Variants in ZNF90 observed in about 807,000 individuals in gnomAD.
ZNF90 encodes zinc finger protein 90, also known as zinc finger protein HTF9.
In ZNF90, 11 loss-of-function variants were observed where a neutral mutation model predicts 12.0. That is an observed-to-expected ratio of 0.92 (90% confidence interval 0.58 to 1.52). The LOEUF (loss-of-function observed/expected upper bound fraction) is 1.52, where lower values mean the gene tolerates loss of function less well. ZNF90 is among the 40% of genes most tolerant of loss of function. The pLI, the probability that ZNF90 is intolerant of heterozygous loss-of-function variation, is 0.00. For missense variants in ZNF90, 765 were observed against 711.5 expected, an observed-to-expected ratio of 1.08 and a Z score of -0.86; for synonymous variants, 232 against 240.1, an observed-to-expected ratio of 0.97 and a Z score of 0.31.
At chr19:20,102,559 A>T (rs1722574731) in intron 1 of ZNF90, among the ~76,000 whole-genome samples, 1 of 152,212 alleles carries the variant, frequency 6.6e-6, no homozygotes, top group Non-Finnish European at 1.5e-5. Context: ...CTTCTATAGA[A>T]GTATATTTGC....
chr19:20,114,247 T>C, intron 3 of ZNF90, among the ~76,000 whole-genome samples: 1 of 152,212 alleles, frequency 6.6e-6, no homozygotes, highest in East Asian at 1.9e-4. Context: ...ACCGATATTG[T>C]GCCACTGCAG....
rs1285444911 is a variant in ZNF90, at chr19:20,119,286, T to G, written c.1732T>G (p.Ser578Ala). The stretch of plus-strand genomic sequence containing the variant: ...ATGTGGCAAAGCTTTTAACTTGTCC[T>G]CAGACCTTAATACACATAAGAGGAT... ...EECGKAFNLS[S>A]DLNTHKRIHI... Residue 578 changes from serine (S) to alanine (A), a missense_variant, in exon 4 of 4, where the codon TCA becomes GCA. Ser to Ala is a moderately conservative substitution (Grantham distance 99). Transcript: ENST00000418063. 6.2e-7 allele frequency: 1 copy of G among 1,613,298 alleles called. No individual in the cohort carries two copies. Among genetic ancestry groups the G allele is most frequent in the Non-Finnish European group, 8.5e-7 (1 of 1,179,592 alleles).
rs782291106 is a variant in ZNF90, at chr19:20,104,327, A to T, written c.92A>T (p.Asp31Val). Reference sequence around the variant, plus strand: ...ACTGCACAGCAGAATTTATATAGGGATGTGATGTTAGAGAACTACAGACAC... The same window carrying T: ...ACTGCACAGCAGAATTTATATAGGGTTGTGATGTTAGAGAACTACAGACAC... ...LDTAQQNLYR[D>V]VMLENYRHLV... is the part of the protein sequence containing the mutation. Residue 31 changes from aspartate (D) to valine (V), a missense_variant, in exon 2 of 4, where the codon GAT (aspartate) becomes GTT (valine). Coordinates refer to ENST00000418063, the MANE Select transcript of ZNF90 (RefSeq NM_007138.2). The T allele has an allele frequency of 1.2e-6, 2 of 1,614,080 alleles. No homozygotes were observed. Among genetic ancestry groups the T allele is most frequent in the Non-Finnish European group, 1.7e-6 (2 of 1,179,976 alleles).
At position 20,120,447 on chromosome 19, in the gene ZNF90, C is replaced by T. The variant is rs1555706433; in HGVS notation, c.*1087C>T. Among the ~76,000 whole-genome samples the T allele has an allele frequency of 6.6e-6, 1 of 152,096 alleles. No individual in the cohort carries two copies. Among genetic ancestry groups the T allele is most frequent in the African/African-American group, 2.4e-5 (1 of 41,410 alleles). On this transcript the variant is annotated 3_prime_UTR_variant, in exon 4 of 4. Coordinates refer to ENST00000418063, the MANE Select transcript of ZNF90 (RefSeq NM_007138.2). ...AGAGGAAAACCCTGAAGCAGTTGCT[C>T]CAGCTTTGTTCAACAACAGGGAATT... is the stretch of plus-strand genomic sequence containing the variant.
intron 1 of ZNF90, among the ~76,000 whole-genome samples, chr19:20,081,663 G>T (rs186449568): frequency 2.6e-5 from 4 of 152,304 alleles, no homozygotes; most frequent in Admixed American, 2.6e-4. Context: ...AAATAAATCA[G>T]AGTGTGGCCC....
intron 1 of ZNF90, among the ~76,000 whole-genome samples, chr19:20,100,148 C>G (rs1047293903): frequency 9.9e-5 from 15 of 152,284 alleles, no homozygotes; most frequent in Admixed American, 5.9e-4. Flanking sequence ...GAATGGGGAA[C>G]CTCAGGAGGA....
At chr19:20,079,826 G>C (rs117638551) in intron 1 of ZNF90, 3 of 325,944 alleles carry the variant, frequency 9.2e-6, no homozygotes, top group East Asian at 8.7e-5. Context: ...TCATCTGCTC[G>C]GCCACCCTGT....
intron 3 of ZNF90, among the ~76,000 whole-genome samples, chr19:20,113,107 G>T (rs1010921604): frequency 6.6e-6 from 1 of 151,788 alleles, no homozygotes; most frequent in African/African-American, 2.4e-5. Flanking sequence ...TTCTTTTCCT[G>T]TATAAATATT....
In ZNF90 at chr19:20,117,046, TGA is replaced by T. The variant is rs376810203; in HGVS notation, c.227-718_227-717del. On this transcript the variant is annotated intron_variant, in intron 3 of 3. Transcript: ENST00000418063. ...GTGTGTGTGTGTGTGTGTGTGTGTG[TGA>T]GAGAGAGAGAGAGAGACAGAATGTC... Among the ~76,000 whole-genome samples, 324 of 140,938 alleles carry T rather than the reference TGA, an allele frequency of 2.3e-3. 2 individuals carry two copies. Among genetic ancestry groups the T allele is most frequent in the African/African-American group, 4.5e-3 (172 of 38,128 alleles). 92.5% of individuals were successfully genotyped at this position (140,938 alleles called of 152,430 possible). A position where few individuals can be genotyped will look rare whatever the true frequency, so the allele number is the denominator to read the frequency against.
chr19:20,114,012 G>A (rs2122522942), intron 3 of ZNF90, among the ~76,000 whole-genome samples: 1 of 152,170 alleles, frequency 6.6e-6, no homozygotes, highest in South Asian at 2.1e-4. Flanking sequence ...ATATTTCTAG[G>A]CCGGGCGGGG....
At chr19:20,085,268 CT>C (rs56068843) in intron 1 of ZNF90, among the ~76,000 whole-genome samples, 19 of 135,498 alleles carry the variant, frequency 1.4e-4, no homozygotes, top group Middle Eastern at 3.6e-3. Context: ...TTGCATTGGT[CT>C]TTTTTTTTTA....
intron 1 of ZNF90, among the ~76,000 whole-genome samples, chr19:20,092,970 G>T (rs1260037365): frequency 1.3e-5 from 2 of 152,162 alleles, no homozygotes; most frequent in African/African-American, 4.8e-5. Context: ...AAGTAATGAG[G>T]GCTGTCCCTG....
At chr19:20,080,762 G>A (rs1455860380) in intron 1 of ZNF90, among the ~76,000 whole-genome samples, 2 of 152,214 alleles carry the variant, frequency 1.3e-5, no homozygotes, top group African/African-American at 4.8e-5. Flanking sequence ...CATCTGCAGT[G>A]AGGACAATGT....
At chr19:20,100,577 C>T (rs573530182) in intron 1 of ZNF90, among the ~76,000 whole-genome samples, 12 of 152,286 alleles carry the variant, frequency 7.9e-5, no homozygotes, top group African/African-American at 2.9e-4. Context: ...AGGCACCCCT[C>T]CCCAGGAAAT....
chr19:20,110,279 CTTTGT>C (rs2089075484), intron 3 of ZNF90, among the ~76,000 whole-genome samples: 1 of 151,814 alleles, frequency 6.6e-6, no homozygotes, highest in African/African-American at 2.4e-5. Context: ...TGTTGTTTTG[CTTTGT>C]TTTATTTTTT....
At chr19:20,086,153 A>G (rs1322662585) in intron 1 of ZNF90, among the ~76,000 whole-genome samples, 5 of 151,980 alleles carry the variant, frequency 3.3e-5, no homozygotes, top group Non-Finnish European at 1.5e-5. Context: ...GCTTTCTATT[A>G]CTTCATAACA....
rs2089190372 is a variant in ZNF90, at chr19:20,121,034, T to C, written c.*1674T>C. ...TTCGTATTTGACCTATATTAAGTAATGTATAAGGTAGTGTTCAGAGTAATA... is the reference window on the plus strand; with the variant it reads ...TTCGTATTTGACCTATATTAAGTAACGTATAAGGTAGTGTTCAGAGTAATA... On this transcript the variant is annotated 3_prime_UTR_variant, in exon 4 of 4. Transcript: ENST00000418063. 6.5e-6 allele frequency: 1 copy of C among 154,912 alleles called. No homozygotes were observed. Among genetic ancestry groups the C allele is most frequent in the African/African-American group, 2.4e-5 (1 of 41,478 alleles). 9.6% of individuals were successfully genotyped at this position (154,912 alleles called of 1,614,324 possible). A position where few individuals can be genotyped will look rare whatever the true frequency, so the allele number is the denominator to read the frequency against.
At chr19:20,109,959 C>T (rs1303103515) in intron 3 of ZNF90, among the ~76,000 whole-genome samples, 5 of 152,190 alleles carry the variant, frequency 3.3e-5, no homozygotes, top group Non-Finnish European at 7.3e-5. Flanking sequence ...TTTACCCTCT[C>T]TCCAGCCCTT....
chr19:20,078,774 C>T (rs1305541615), intron 1 of ZNF90, among the ~76,000 whole-genome samples: 1 of 152,062 alleles, frequency 6.6e-6, no homozygotes, highest in East Asian at 1.9e-4. Context: ...TTAGATTGTG[C>T]GGTCTGACCC....
Sources: gnomAD v4.1 joint callset for allele counts (sites outside exome capture counted in the v4.1 genomes callset) on GRCh38, gnomAD v4.1.1 for gene constraint, MANE v1.5 for transcripts, NCBI Gene and HGNC (gene_info 2026-07-23, HGNC 2026-07-21) for gene names.